SCAMP1: variants seen among roughly 807,000 people sequenced by gnomAD.
SCAMP1 encodes the protein secretory carrier-associated membrane protein 1.
In SCAMP1, 15 loss-of-function variants were observed where a neutral mutation model predicts 41.8. That is an observed-to-expected ratio of 0.36 (90% confidence interval 0.24 to 0.55). SCAMP1 has a LOEUF of 0.55. Among genes scored for constraint, SCAMP1 ranks in the 20% least tolerant of loss-of-function variants. The pLI is 0.86. For missense variants in SCAMP1, 341 were observed against 412.6 expected, an observed-to-expected ratio of 0.83 and a Z score of 1.50; for synonymous variants, 135 against 136.8, an observed-to-expected ratio of 0.99 and a Z score of 0.09.
intron 7 of SCAMP1, among the ~76,000 whole-genome samples, chr5:78,452,053 A>G (rs1420657747): frequency 6.6e-6 from 1 of 152,152 alleles, no homozygotes; most frequent in Non-Finnish European, 1.5e-5. Context: ...CCAGTTTTGG[A>G]CTATTACAAA....
intron 6 of SCAMP1, among the ~76,000 whole-genome samples, chr5:78,440,090 C>G (rs1359344532): frequency 6.6e-6 from 1 of 152,156 alleles, no homozygotes; most frequent in East Asian, 1.9e-4. Flanking sequence ...GCTGTTTATT[C>G]TAGTTAGCCA....
rs560650742 is a variant in SCAMP1, at chr5:78,421,730, A to G, written c.473-71A>G. On this transcript the variant is annotated intron_variant, in intron 5 of 8. Transcript: ENST00000621999. ...CTTAGGAAGTATTTTTTTATTTACAATTTTTTGTTGGATGAATTCATAAAT... is the reference window on the plus strand; with the variant it reads ...CTTAGGAAGTATTTTTTTATTTACAGTTTTTTGTTGGATGAATTCATAAAT... The G allele has an allele frequency of 6.6e-6, 9 of 1,370,368 alleles. No homozygotes were observed. The South Asian group carries it at 7.8e-5, about 12-fold the overall frequency. 84.9% of individuals were successfully genotyped at this position (1,370,368 alleles called of 1,614,324 possible).
At chr5:78,448,814 A>G (rs1469792000) in intron 6 of SCAMP1, among the ~76,000 whole-genome samples, 1 of 152,082 alleles carries the variant, frequency 6.6e-6, no homozygotes, top group Admixed American at 6.5e-5. Flanking sequence ...CAACCTGACC[A>G]ACGTGGAGAA....
At chr5:78,404,798 G>A (rs1751892241) in intron 2 of SCAMP1, among the ~76,000 whole-genome samples, 1 of 152,066 alleles carries the variant, frequency 6.6e-6, no homozygotes, top group Non-Finnish European at 1.5e-5. Context: ...TTTCAAAAAT[G>A]GTTCTTCCCC....
intron 2 of SCAMP1, among the ~76,000 whole-genome samples, chr5:78,401,931 G>A (rs188052295): frequency 6.6e-6 from 1 of 151,952 alleles, no homozygotes; most frequent in East Asian, 1.9e-4. Context: ...ATGGATTTTA[G>A]ATCTTTCTTA....
intron 2 of SCAMP1, among the ~76,000 whole-genome samples, chr5:78,413,432 T>C (rs1752130697): frequency 6.6e-6 from 1 of 151,670 alleles, no homozygotes; most frequent in African/African-American, 2.4e-5. Context: ...TTTTTTTTTT[T>C]TTTGAGATAG....
chr5:78,372,507 T>C (rs1750965898), intron 1 of SCAMP1, among the ~76,000 whole-genome samples: 1 of 151,960 alleles, frequency 6.6e-6, no homozygotes, highest in South Asian at 2.1e-4. Context: ...TACCATGACA[T>C]TGAAAAGTAA....
At chr5:78,435,103 C>T (rs1752715715) in intron 6 of SCAMP1, among the ~76,000 whole-genome samples, 1 of 152,080 alleles carries the variant, frequency 6.6e-6, no homozygotes. Flanking sequence ...TTATTTCATA[C>T]ATATGTAAAT....
intron 6 of SCAMP1, among the ~76,000 whole-genome samples, chr5:78,445,920 A>G (rs1389377519): frequency 2.0e-5 from 3 of 152,272 alleles, no homozygotes; most frequent in African/African-American, 7.2e-5. Flanking sequence ...TTTATGTCTT[A>G]GAGAACTTTG....
intron 6 of SCAMP1, among the ~76,000 whole-genome samples, chr5:78,431,751 C>T (rs899284211): frequency 2.6e-5 from 4 of 151,724 alleles, no homozygotes; most frequent in Non-Finnish European, 4.4e-5. Flanking sequence ...CCCTTCCCAA[C>T]CTTTATACAG....
In SCAMP1 at chr5:78,367,340, G is replaced by A. The variant is rs1306937195; in HGVS notation, c.57+6612G>A. ...CTGTTAATTGCGCTAGACTTAGCTGGGCAGGTTTTTTCTTTTTTTTAATGT... is the reference window on the plus strand; with the variant it reads ...CTGTTAATTGCGCTAGACTTAGCTGAGCAGGTTTTTTCTTTTTTTTAATGT... On this transcript the variant is annotated intron_variant, in intron 1 of 8. Coordinates refer to ENST00000621999, the MANE Select transcript of SCAMP1 (RefSeq NM_004866.6). Among the ~76,000 whole-genome samples, 4 of 152,168 alleles carry A rather than the reference G, an allele frequency of 2.6e-5. No homozygotes were observed. In the East Asian group the frequency reaches 7.7e-4, roughly 29 times the overall value.
chr5:78,468,733 C>G (rs1444282975), intron 8 of SCAMP1, among the ~76,000 whole-genome samples: 1 of 152,114 alleles, frequency 6.6e-6, no homozygotes, highest in African/African-American at 2.4e-5. Flanking sequence ...TTATTTACTA[C>G]AGTATATATT....
Position 78,479,591 on chromosome 5 carries a change from AGCCAGGTATT to A in SCAMP1, c.*3928_*3937del, listed in dbSNP as rs932770991. Among the ~76,000 whole-genome samples the A allele has an allele frequency of 6.6e-6, 1 of 152,238 alleles. No homozygotes were observed. The highest frequency in any genetic ancestry group is 2.4e-5 in the African/African-American group (1 of 41,458). On this transcript the variant is annotated 3_prime_UTR_variant, in exon 9 of 9. Coordinates refer to ENST00000621999, the MANE Select transcript of SCAMP1 (RefSeq NM_004866.6). Reference sequence around the variant, plus strand: ...TAGAAATAAATCTAGAAACTTTCTAAGCCAGGTATTGCCACTAACCTGTCTTATATAAGCA... The same window carrying A: ...TAGAAATAAATCTAGAAACTTTCTAAGCCACTAACCTGTCTTATATAAGCA...
intron 5 of SCAMP1, among the ~76,000 whole-genome samples, chr5:78,421,480 A>T (rs1347702982): frequency 1.3e-5 from 2 of 152,182 alleles, no homozygotes; most frequent in African/African-American, 4.8e-5. Flanking sequence ...GCTTCAGATC[A>T]AGAGACATCA....
At chr5:78,396,272 T>C (rs373879087) in intron 2 of SCAMP1, among the ~76,000 whole-genome samples, 25 of 152,294 alleles carry the variant, frequency 1.6e-4, no homozygotes, top group African/African-American at 6.0e-4. Context: ...GATGTGTCAG[T>C]GAAGGTTCAT....
At chr5:78,399,792 AG>A (rs1751753935) in intron 2 of SCAMP1, among the ~76,000 whole-genome samples, 1 of 152,188 alleles carries the variant, frequency 6.6e-6, no homozygotes, top group South Asian at 2.1e-4. Flanking sequence ...GTTAATTTTA[AG>A]GAAGTCCAGC....
At chr5:78,418,372 T>C (rs1371855079) in intron 4 of SCAMP1, among the ~76,000 whole-genome samples, 1 of 152,184 alleles carries the variant, frequency 6.6e-6, no homozygotes, top group Non-Finnish European at 1.5e-5. Flanking sequence ...AGATTTAAGA[T>C]GCTGAGGAGA....
rs73132323 is a variant in SCAMP1 at position 78,403,213 on chromosome 5, A to G, written c.136-12307A>G. On this transcript the variant is annotated intron_variant, in intron 2 of 8. Coordinates refer to ENST00000621999, the MANE Select transcript of SCAMP1 (RefSeq NM_004866.6). Reference sequence around the variant, plus strand: ...AGAACATTTTATATGATTATAATTTATCTCCTTCCTGGTTGCCCTAGAGTT... The same window carrying G: ...AGAACATTTTATATGATTATAATTTGTCTCCTTCCTGGTTGCCCTAGAGTT... Among the ~76,000 whole-genome samples, 1,302 of 152,214 alleles carry G rather than the reference A, an allele frequency of 8.6e-3. 21 individuals are homozygous for G. Among genetic ancestry groups the G allele is most frequent in the African/African-American group, 0.029 (1,218 of 41,514 alleles).
chr5:78,403,326 T>C (rs1751844753), intron 2 of SCAMP1, among the ~76,000 whole-genome samples: 1 of 152,214 alleles, frequency 6.6e-6, no homozygotes, highest in Admixed American at 6.5e-5. Context: ...AATAAGAATA[T>C]GATTCCTCCC....
Sources: allele counts gnomAD v4.1 joint callset (sites outside exome capture counted in the v4.1 genomes callset), GRCh38; gene constraint gnomAD v4.1.1; transcripts MANE v1.5; gene names NCBI Gene and HGNC (gene_info 2026-07-23, HGNC 2026-07-21).